DOCK5: variants seen among roughly 807,000 people sequenced by gnomAD.
DOCK5 encodes dedicator of cytokinesis 5, also known as dedicator of cytokinesis protein 5.
In DOCK5, 142 loss-of-function variants were observed where a neutral mutation model predicts 251.8. That is an observed-to-expected ratio of 0.56 (90% confidence interval 0.49 to 0.65). The LOEUF (loss-of-function observed/expected upper bound fraction) is 0.65, where lower values mean the gene tolerates loss of function less well. Ranked by LOEUF, DOCK5 falls within the 30% of genes least tolerant of loss-of-function variation. DOCK5 has a pLI of 0.00. For synonymous variants in DOCK5, 842 were observed against 835.5 expected (o/e 1.01, Z -0.13); for missense variants, 2,111 against 2,312.3 (o/e 0.91, Z 1.79).
intron 31 of DOCK5, 24 bp from the exon 32 acceptor site, chr8:25,368,168 T>C (rs891262013): frequency 6.3e-7 from 1 of 1,591,074 alleles, no homozygotes; most frequent in South Asian, 1.1e-5. Context: ...AAATCCTCCT[T>C]CTAGTTTATG....
Position 25,395,636 on chromosome 8 carries a change from T to A in DOCK5, c.4621T>A (p.Ser1541Thr), listed in dbSNP as rs1586392717. Residue 1541 changes from serine (S) to threonine (T), a missense_variant, in exon 45 of 52, where the codon TCC (serine) becomes ACC (threonine). Ser to Thr is a moderately conservative substitution (Grantham distance 58). Around this residue, in one of 3 missense-constraint regions of DOCK5, gnomAD observed 1,717 missense variants for 1,892.4 expected, o/e 0.91. Coordinates refer to ENST00000276440, the MANE Select transcript of DOCK5 (RefSeq NM_024940.8). Reference protein sequence around the residue: ...NCVQQHAWDRSLSVHPLSMLL... With the variant: ...NCVQQHAWDRTLSVHPLSMLL... ...TGTTCAGCAGCATGCCTGGGACCGG[T>A]CCCTCTCTGTGCACCCTCTCTCCAT... 6.2e-7 allele frequency: 1 copy of A among 1,613,122 alleles called. No homozygotes were observed. Among genetic ancestry groups the A allele is most frequent in the Non-Finnish European group, 8.5e-7 (1 of 1,179,674 alleles).
chr8:25,384,570 G>A (rs768553961), intron 40 of DOCK5, among the ~76,000 whole-genome samples: 32 of 150,728 alleles, frequency 2.1e-4, no homozygotes, highest in South Asian at 6.3e-4. Context: ...AGCGATTCTC[G>A]TGCCTCAGCC....
At chr8:25,214,024 C>T (rs1203087608) in intron 1 of DOCK5, among the ~76,000 whole-genome samples, 1 of 152,200 alleles carries the variant, frequency 6.6e-6, no homozygotes, top group Non-Finnish European at 1.5e-5. Context: ...GTTTCATATA[C>T]ACCTTATGCA....
At chr8:25,261,180 A>G (rs1347305046) in intron 2 of DOCK5, among the ~76,000 whole-genome samples, 1 of 152,038 alleles carries the variant, frequency 6.6e-6, no homozygotes, top group Non-Finnish European at 1.5e-5. Context: ...CCCTATATGA[A>G]GTTACTTTTC....
chr8:25,292,243 G>A, intron 6 of DOCK5, 71 bp downstream of exon 6: 1 of 1,427,154 alleles, frequency 7.0e-7, no homozygotes, highest in Non-Finnish European at 9.2e-7. Flanking sequence ...TAATGACACT[G>A]TTTGCAGCGA....
At chr8:25,245,744 T>C (rs61277067) in intron 2 of DOCK5, among the ~76,000 whole-genome samples, 8,418 of 152,182 alleles carry the variant, frequency 0.055, 546 homozygotes, top group African/African-American at 0.16. Context: ...TTCATCATGT[T>C]GGCCAGCCTG....
At chr8:25,403,387 G>A (rs1007443886) in intron 47 of DOCK5, among the ~76,000 whole-genome samples, 171 bp from the exon 48 acceptor site, 1 of 152,124 alleles carries the variant, frequency 6.6e-6, no homozygotes, top group African/African-American at 2.4e-5. Flanking sequence ...ATCAGTACAT[G>A]CAATATTTAA....
At chr8:25,194,559 C>G (rs567465232) in intron 1 of DOCK5, among the ~76,000 whole-genome samples, 74 of 152,244 alleles carry the variant, frequency 4.9e-4, no homozygotes, top group Non-Finnish European at 5.7e-4. Context: ...TCTCATCCCC[C>G]GCCTTGGCTC....
At chr8:25,342,580 T>C (rs1805980997) in intron 25 of DOCK5, 73 bp downstream of exon 25, 2 of 1,180,782 alleles carry the variant, frequency 1.7e-6, no homozygotes, top group South Asian at 1.4e-5. Context: ...CCAGCCTGGG[T>C]GACAGAACAA....
chr8:25,270,732 C>A (rs1803885332), intron 3 of DOCK5: 3 of 689,464 alleles, frequency 4.4e-6, no homozygotes, highest in Admixed American at 2.0e-5. Context: ...ACATGGCAGA[C>A]CTTGCTTTCT....
intron 1 of DOCK5, among the ~76,000 whole-genome samples, chr8:25,215,393 G>A (rs1802218032): frequency 6.6e-6 from 1 of 152,106 alleles, no homozygotes; most frequent in South Asian, 2.1e-4. Context: ...GCTGGGGAGA[G>A]AGAGAGAGGC....
In DOCK5 at chr8:25,400,001, G is replaced by T; in HGVS notation, c.4788+7G>T. ...GCGACTAATAGCATTACAGGTACAG[G>T]ACGGCTTTCCTCTACACTCCCAGGG... On this transcript the variant is annotated splice_region_variant and intron_variant, in intron 46 of 51. Coordinates refer to ENST00000276440, the MANE Select transcript of DOCK5 (RefSeq NM_024940.8). 1 of 1,612,594 alleles carries T rather than the reference G, an allele frequency of 6.2e-7. No individual in the cohort carries two copies. Among genetic ancestry groups the T allele is most frequent in the South Asian group, 1.1e-5 (1 of 90,702 alleles).
intron 2 of DOCK5, among the ~76,000 whole-genome samples, chr8:25,254,225 C>CA (rs1563326013): frequency 6.6e-6 from 1 of 151,948 alleles, no homozygotes; most frequent in South Asian, 2.1e-4. Context: ...TCACCCTTGA[C>CA]AAAAAATAAG....
At chr8:25,352,580 G>C (rs768616842) in intron 27 of DOCK5, among the ~76,000 whole-genome samples, 1 of 152,030 alleles carries the variant, frequency 6.6e-6, no homozygotes, top group Non-Finnish European at 1.5e-5. Context: ...TATTAAAATC[G>C]AATTAGATTT....
chr8:25,296,010 G>A (rs1329451316), intron 6 of DOCK5, among the ~76,000 whole-genome samples: 1 of 152,084 alleles, frequency 6.6e-6, no homozygotes, highest in Non-Finnish European at 1.5e-5. Context: ...AGCAGAGACA[G>A]GGTTTCAACA....
chr8:25,353,818 G>T (rs1052094867), intron 27 of DOCK5, among the ~76,000 whole-genome samples: 5 of 152,022 alleles, frequency 3.3e-5, no homozygotes, highest in African/African-American at 1.2e-4. Context: ...GAGGTCAGGA[G>T]TTCGAGACCA....
chr8:25,392,475 A>T (rs985352526), intron 43 of DOCK5, among the ~76,000 whole-genome samples: 14 of 152,226 alleles, frequency 9.2e-5, no homozygotes, highest in Non-Finnish European at 1.9e-4. Context: ...CTCCATGGAA[A>T]ATGCTAGACT....
In DOCK5 at chr8:25,411,364, C is replaced by CGG. The variant is rs1563236558; in HGVS notation, c.*67_*68dup. On this transcript the variant is annotated 3_prime_UTR_variant, in exon 52 of 52. Coordinates refer to ENST00000276440, the MANE Select transcript of DOCK5 (RefSeq NM_024940.8). ...TGCTGCCTGAGAACTGGCCTCCAGC[C>CGG]GGTGTCCTCATTCCATGGGGCTCCC... 1.5e-6 allele frequency: 2 copies of CGG among 1,365,774 alleles called. No individual in the cohort carries two copies. Among genetic ancestry groups the CGG allele is most frequent in the Non-Finnish European group, 1.9e-6 (2 of 1,055,128 alleles). 84.6% of individuals were successfully genotyped at this position (1,365,774 alleles called of 1,614,324 possible).
rs111871746 is a variant in DOCK5 at position 25,272,180 on chromosome 8, C to T, written c.169-3206C>T. On this transcript the variant is annotated intron_variant, in intron 3 of 51. Transcript: ENST00000276440. ...TGTAGCTGGGACCATTGGCATGTGC[C>T]ACCATGCTGTGCTAATTTTTTAAAT... Among the ~76,000 whole-genome samples, 1,161 of 152,160 alleles carry T rather than the reference C, an allele frequency of 7.6e-3. 15 individuals carry two copies. Among genetic ancestry groups the T allele is most frequent in the African/African-American group, 0.026 (1,091 of 41,508 alleles).
Sources: gnomAD v4.1 joint callset for allele counts (sites outside exome capture counted in the v4.1 genomes callset) on GRCh38, gnomAD v4.1.1 for gene constraint, gnomAD v4.1.1 regional missense constraint, MANE v1.5 for transcripts, NCBI Gene and HGNC (gene_info 2026-07-23, HGNC 2026-07-21) for gene names.